Variants in RABGAP1L observed in about 807,000 individuals in gnomAD.
RABGAP1L encodes rab GTPase-activating protein 1-like.
RABGAP1L carries 63 observed loss-of-function variants against 137.7 expected under a neutral mutation model. The observed-to-expected ratio is 0.46, with a 90% confidence interval of 0.37 to 0.56. RABGAP1L has a LOEUF of 0.56. RABGAP1L is among the 20% of genes least tolerant of loss of function. The pLI is 0.00. For missense variants in RABGAP1L, 1,095 were observed against 1,244.0 expected (o/e 0.88, Z 1.80); for synonymous variants, 431 against 433.7 (o/e 0.99, Z 0.08).
Position 174,623,732 on chromosome 1 carries a change from G to T in RABGAP1L, c.1711-13643G>T, listed in dbSNP as rs145797996. Reference sequence around the variant, plus strand: ...ACCTTTATTCTCCGGCCTCTCTGTAGGTAAAACTTGTATGGCATGGTCCAA... The same window carrying T: ...ACCTTTATTCTCCGGCCTCTCTGTATGTAAAACTTGTATGGCATGGTCCAA... On this transcript the variant is annotated intron_variant, in intron 13 of 25. Coordinates refer to ENST00000681986, the MANE Select transcript of RABGAP1L (RefSeq NM_001366446.1). Among the ~76,000 whole-genome samples the T allele has an allele frequency of 1.7e-3, 258 of 152,232 alleles. 1 individual carries two copies. Among genetic ancestry groups the T allele is most frequent in the African/African-American group, 6.1e-3 (252 of 41,542 alleles).
At chr1:174,576,040 T>C (rs980106381) in intron 13 of RABGAP1L, among the ~76,000 whole-genome samples, 3 of 152,218 alleles carry the variant, frequency 2.0e-5, no homozygotes, top group African/African-American at 7.2e-5. Context: ...CAGTATAGTG[T>C]GTGCATCAGT....
At chr1:174,467,172 G>A (rs904164942) in intron 13 of RABGAP1L, among the ~76,000 whole-genome samples, 5 of 152,108 alleles carry the variant, frequency 3.3e-5, no homozygotes, top group African/African-American at 1.2e-4. Flanking sequence ...GATGGACACA[G>A]TAAAAACATC....
intron 19 of RABGAP1L, among the ~76,000 whole-genome samples, chr1:174,942,931 C>T (rs1573937792): frequency 6.6e-6 from 1 of 152,306 alleles, no homozygotes; most frequent in East Asian, 1.9e-4. Context: ...TCCTTAAAAG[C>T]AGAAACTATC....
intron 13 of RABGAP1L, among the ~76,000 whole-genome samples, chr1:174,635,494 A>G (rs1022540999): frequency 6.6e-6 from 1 of 152,206 alleles, no homozygotes; most frequent in Admixed American, 6.5e-5. Context: ...GTTTCATAAT[A>G]TATCACTTTA....
intron 13 of RABGAP1L, among the ~76,000 whole-genome samples, chr1:174,555,963 G>A (rs1666852113): frequency 6.6e-6 from 1 of 150,670 alleles, no homozygotes. Flanking sequence ...CATATAGTGG[G>A]AATGAAATAT....
At chr1:174,332,294 A>G (rs1681095646) in intron 11 of RABGAP1L, among the ~76,000 whole-genome samples, 1 of 152,154 alleles carries the variant, frequency 6.6e-6, no homozygotes, top group South Asian at 2.1e-4. Flanking sequence ...GATCATAAGA[A>G]TGTTTTTTAT....
At chr1:174,542,475 C>A (rs1271362563) in intron 13 of RABGAP1L, among the ~76,000 whole-genome samples, 1 of 151,894 alleles carries the variant, frequency 6.6e-6, no homozygotes, top group Non-Finnish European at 1.5e-5. Context: ...CTATTTGATT[C>A]TTCTCTCTTT....
chr1:174,298,715 G>A (rs1224363049), intron 10 of RABGAP1L, among the ~76,000 whole-genome samples: 1 of 152,182 alleles, frequency 6.6e-6, no homozygotes, highest in Non-Finnish European at 1.5e-5. Context: ...CAGATAACTG[G>A]TGCTAAGATC....
At chr1:174,639,907 G>A (rs764164131) in intron 14 of RABGAP1L, among the ~76,000 whole-genome samples, 6 of 152,060 alleles carry the variant, frequency 3.9e-5, no homozygotes, top group Admixed American at 1.3e-4. Context: ...TAGATTATCA[G>A]TATACATTTT....
intron 13 of RABGAP1L, among the ~76,000 whole-genome samples, chr1:174,437,618 G>C (rs919685995): frequency 6.6e-6 from 1 of 152,288 alleles, no homozygotes; most frequent in East Asian, 1.9e-4. Context: ...GTGACGGGGA[G>C]AATGGAACCA....
At chr1:174,416,031 T>TACAC (rs1376099709) in intron 13 of RABGAP1L, among the ~76,000 whole-genome samples, 11 of 123,522 alleles carry the variant, frequency 8.9e-5, no homozygotes, top group Admixed American at 4.5e-4. Context: ...TATATATATA[T>TACAC]ATATACACAC....
At chr1:174,217,228 G>A (rs1265659230) in intron 1 of RABGAP1L, among the ~76,000 whole-genome samples, 1 of 152,156 alleles carries the variant, frequency 6.6e-6, no homozygotes, top group African/African-American at 2.4e-5. Flanking sequence ...AAACAAGTTT[G>A]GAGGAGACAT....
chr1:174,666,848 C>T (rs1676820749), intron 14 of RABGAP1L, among the ~76,000 whole-genome samples: 1 of 151,998 alleles, frequency 6.6e-6, no homozygotes, highest in Non-Finnish European at 1.5e-5. Context: ...AAACTAAAAA[C>T]TTTCTTTAAT....
chr1:174,619,053 A>T (rs1388175244), intron 13 of RABGAP1L, among the ~76,000 whole-genome samples: 1 of 152,252 alleles, frequency 6.6e-6, no homozygotes. Flanking sequence ...ATGGAAAATC[A>T]AATGAATGAA....
chr1:174,614,564 G>A (rs922309730), intron 13 of RABGAP1L, among the ~76,000 whole-genome samples: 5 of 152,128 alleles, frequency 3.3e-5, no homozygotes, highest in Non-Finnish European at 5.9e-5. Context: ...GCTTGGAGTT[G>A]CTCTTCTTGA....
chr1:174,873,801 G>A (rs542014254), intron 19 of RABGAP1L, among the ~76,000 whole-genome samples: 8 of 152,226 alleles, frequency 5.3e-5, no homozygotes, highest in Admixed American at 3.3e-4. Flanking sequence ...GAGCCACTGC[G>A]CCCGGTGAGG....
chr1:174,791,442 C>T (rs1051464680), intron 18 of RABGAP1L, among the ~76,000 whole-genome samples: 1 of 152,140 alleles, frequency 6.6e-6, no homozygotes, highest in Admixed American at 6.5e-5. Context: ...TCACAACTTA[C>T]TAGGATGAGT....
chr1:174,740,694 C>T (rs1297265785), intron 17 of RABGAP1L, among the ~76,000 whole-genome samples: 1 of 152,094 alleles, frequency 6.6e-6, no homozygotes, highest in Non-Finnish European at 1.5e-5. Flanking sequence ...TACATTCCCA[C>T]CAACAGTGTA....
intron 14 of RABGAP1L, among the ~76,000 whole-genome samples, chr1:174,643,323 T>A (rs1402226649): frequency 6.6e-6 from 1 of 152,172 alleles, no homozygotes; most frequent in Non-Finnish European, 1.5e-5. Flanking sequence ...GTATCTCCTA[T>A]CTCTCCCTTG....
Sources: allele counts gnomAD v4.1 joint callset (sites outside exome capture counted in the v4.1 genomes callset), GRCh38; gene constraint gnomAD v4.1.1; transcripts MANE v1.5; gene names NCBI Gene and HGNC (gene_info 2026-07-23, HGNC 2026-07-21).